The following SLC35F1 variants were observed in gnomAD, a reference collection of about 807,000 sequenced individuals.
The protein encoded by SLC35F1 is solute carrier family 35 member F1.
A neutral mutation model predicts 48.7 loss-of-function variants in SLC35F1; 14 were observed. That is an observed-to-expected ratio of 0.29 (90% CI 0.19 to 0.45). The LOEUF is 0.45. Among genes scored for constraint, SLC35F1 ranks in the 20% least tolerant of loss-of-function variants. SLC35F1 has a pLI of 1.00. For missense variants in SLC35F1, 404 were observed against 500.0 expected, an observed-to-expected ratio of 0.81 and a Z score of 1.83; for synonymous variants, 190 against 202.2, an observed-to-expected ratio of 0.94 and a Z score of 0.51.
intron 1 of SLC35F1, among the ~76,000 whole-genome samples, chr6:117,975,580 G>A (rs1347669147): frequency 6.6e-6 from 1 of 152,060 alleles, no homozygotes; most frequent in Admixed American, 6.6e-5. Context: ...ACTATAGTAA[G>A]GTGTAATTTT....
chr6:117,917,608 G>A lies in SLC35F1; in HGVS notation c.173+9709G>A, dbSNP rs144917553. On this transcript the variant is annotated intron_variant, in intron 1 of 7. Coordinates refer to ENST00000360388, the MANE Select transcript of SLC35F1 (RefSeq NM_001029858.4). ...TTTGGGCTTGAGCAATTGGGTGAGC[G>A]ATGGTGCCATTTTCTAAGGTGGGAA... is the stretch of plus-strand genomic sequence containing the variant. Among the ~76,000 whole-genome samples, 36 of 152,238 alleles carry A rather than the reference G, an allele frequency of 2.4e-4. 1 individual carries two copies. Among genetic ancestry groups the A allele is most frequent in the African/African-American group, 7.9e-4 (33 of 41,534 alleles).
intron 1 of SLC35F1, among the ~76,000 whole-genome samples, chr6:118,103,066 T>C (rs535125516): frequency 5.3e-4 from 80 of 152,284 alleles, no homozygotes; most frequent in Non-Finnish European, 9.0e-4. Flanking sequence ...AACATTTCTA[T>C]AGTTCCTGAA....
At chr6:117,996,257 G>C (rs956862967) in intron 1 of SLC35F1, among the ~76,000 whole-genome samples, 1 of 152,024 alleles carries the variant, frequency 6.6e-6, no homozygotes, top group Non-Finnish European at 1.5e-5. Context: ...TGAAATCCTA[G>C]GGTACTAGAT....
intron 1 of SLC35F1, among the ~76,000 whole-genome samples, chr6:118,132,915 A>G (rs570733094): frequency 3.9e-5 from 6 of 152,234 alleles, no homozygotes; most frequent in Admixed American, 6.5e-5. Context: ...GGACTTTTTT[A>G]GTGGTCAAGA....
At chr6:118,270,531 A>C (rs1349262781) in intron 4 of SLC35F1, among the ~76,000 whole-genome samples, 1 of 152,168 alleles carries the variant, frequency 6.6e-6, no homozygotes, top group African/African-American at 2.4e-5. Context: ...TTCTCATTCT[A>C]TGTTTGTCAC....
intron 2 of SLC35F1, among the ~76,000 whole-genome samples, chr6:118,218,955 A>G (rs908561909): frequency 1.3e-5 from 2 of 152,200 alleles, no homozygotes; most frequent in African/African-American, 4.8e-5. Context: ...AAGAAAGACA[A>G]TTAGTATGGA....
chr6:118,140,908 G>A (rs1276555612), intron 1 of SLC35F1, among the ~76,000 whole-genome samples: 1 of 152,170 alleles, frequency 6.6e-6, no homozygotes, highest in African/African-American at 2.4e-5. Flanking sequence ...TTTTTCTATA[G>A]CTGTACAATG....
At chr6:118,228,756 T>C (rs1775251278) in intron 2 of SLC35F1, among the ~76,000 whole-genome samples, 1 of 152,056 alleles carries the variant, frequency 6.6e-6, no homozygotes, top group African/African-American at 2.4e-5. Flanking sequence ...AAAGAGATGA[T>C]ATTAAGGCAT....
At chr6:118,211,383 G>A (rs1047151626) in intron 2 of SLC35F1, among the ~76,000 whole-genome samples, 5 of 152,082 alleles carry the variant, frequency 3.3e-5, no homozygotes, top group Admixed American at 2.6e-4. Context: ...AAGGTCTTAC[G>A]CAAAAAACCT....
At chr6:117,949,474 T>G (rs1776335620) in intron 1 of SLC35F1, among the ~76,000 whole-genome samples, 1 of 152,154 alleles carries the variant, frequency 6.6e-6, no homozygotes, top group African/African-American at 2.4e-5. Context: ...TTCCCCTCTT[T>G]CCAAAAATTT....
chr6:118,116,359 T>C (rs1183296769), intron 1 of SLC35F1, among the ~76,000 whole-genome samples: 1 of 152,192 alleles, frequency 6.6e-6, no homozygotes, highest in Non-Finnish European at 1.5e-5. Context: ...CAAACCTTTG[T>C]AAAGTTTCCA....
At chr6:118,145,007 A>G (rs1773950756) in intron 1 of SLC35F1, among the ~76,000 whole-genome samples, 1 of 152,076 alleles carries the variant, frequency 6.6e-6, no homozygotes, top group African/African-American at 2.4e-5. Context: ...AAAGTGTACA[A>G]TTCAATGGTT....
rs773730478 is a variant in SLC35F1, at chr6:118,277,469, A to G, written c.795-25A>G. The G allele has an allele frequency of 3.1e-6, 5 of 1,609,542 alleles. No homozygotes were observed. The African/African-American group carries it at 4.0e-5, about 13-fold the overall frequency. On this transcript the variant is annotated intron_variant, in intron 5 of 7. Transcript: ENST00000360388. Reference sequence around the variant, plus strand: ...AGAGTGCATTCTAATCTTGCTCATCAGGTTCATTTCCTTTGAATTTGCAGA... The same window carrying G: ...AGAGTGCATTCTAATCTTGCTCATCGGGTTCATTTCCTTTGAATTTGCAGA...
chr6:118,135,484 G>A (rs1264201153), intron 1 of SLC35F1, among the ~76,000 whole-genome samples: 1 of 152,148 alleles, frequency 6.6e-6, no homozygotes, highest in East Asian at 1.9e-4. Flanking sequence ...CTCCCCTGTT[G>A]GAAGCATTTA....
chr6:118,112,384 A>T (rs968819078), intron 1 of SLC35F1, among the ~76,000 whole-genome samples: 10 of 152,120 alleles, frequency 6.6e-5, no homozygotes, highest in African/African-American at 2.4e-4. Flanking sequence ...ACATCTCCCC[A>T]TGATCTTTTT....
intron 1 of SLC35F1, among the ~76,000 whole-genome samples, chr6:118,015,990 T>C (rs969217382): frequency 3.3e-5 from 5 of 152,228 alleles, no homozygotes; most frequent in African/African-American, 1.2e-4. Flanking sequence ...GAAGATCATT[T>C]ATAAAATTAA....
At chr6:118,264,520 A>G (rs1775748769) in intron 3 of SLC35F1, among the ~76,000 whole-genome samples, 1 of 152,198 alleles carries the variant, frequency 6.6e-6, no homozygotes, top group Non-Finnish European at 1.5e-5. Flanking sequence ...TCCAACTCAA[A>G]CCATTAGAGG....
chr6:117,998,354 TAGAC>T (rs1186579784), intron 1 of SLC35F1, among the ~76,000 whole-genome samples: 4 of 151,130 alleles, frequency 2.6e-5, no homozygotes, highest in African/African-American at 9.8e-5. Context: ...CTGTCAACAT[TAGAC>T]AGATCAACGA....
chr6:117,939,786 TCTC>T (rs1776206512), intron 1 of SLC35F1, among the ~76,000 whole-genome samples: 1 of 152,112 alleles, frequency 6.6e-6, no homozygotes, highest in South Asian at 2.1e-4. Context: ...TTAGGAGAGT[TCTC>T]CTTTTAAATT....
Sources: allele counts gnomAD v4.1 joint callset (sites outside exome capture counted in the v4.1 genomes callset), GRCh38; gene constraint gnomAD v4.1.1; transcripts MANE v1.5; gene names NCBI Gene and HGNC (gene_info 2026-07-23, HGNC 2026-07-21).